The following LAMA2 variants were observed in gnomAD, a reference collection of about 807,000 sequenced individuals.
LAMA2 encodes the protein laminin subunit alpha-2.
LAMA2 carries 269 observed loss-of-function variants against 364.8 expected under a neutral mutation model. That is an observed-to-expected ratio of 0.74 (90% CI 0.67 to 0.82). LAMA2 has a LOEUF of 0.82. Ranked by LOEUF, LAMA2 falls within the 40% of genes least tolerant of loss-of-function variation. The pLI is 0.00. For synonymous variants in LAMA2, 1,379 were observed against 1,370.6 expected (o/e 1.01, Z -0.14); for missense variants, 3,807 against 3,873.2 (o/e 0.98, Z 0.45).
At chr6:129,163,257 TTTAGA>T (rs1180173286) in intron 8 of LAMA2, among the ~76,000 whole-genome samples, 3 of 152,322 alleles carry the variant, frequency 2.0e-5, no homozygotes, top group Middle Eastern at 3.4e-3. Flanking sequence ...TTCTCCGTTC[TTTAGA>T]TTGGATCATT....
intron 22 of LAMA2, among the ~76,000 whole-genome samples, chr6:129,303,282 C>A (rs546869757): frequency 2.4e-4 from 36 of 152,020 alleles, no homozygotes; most frequent in African/African-American, 5.3e-4. Flanking sequence ...ATTTTTATAC[C>A]TTATCCTTCT....
chr6:129,463,857 C>T (rs1365238754), intron 49 of LAMA2, among the ~76,000 whole-genome samples: 1 of 151,832 alleles, frequency 6.6e-6, no homozygotes, highest in African/African-American at 2.4e-5. Context: ...ATACAGGCCT[C>T]CTTAATCGTC....
At chr6:129,235,509 G>A (rs1784926382) in intron 12 of LAMA2, among the ~76,000 whole-genome samples, 1 of 152,156 alleles carries the variant, frequency 6.6e-6, no homozygotes, top group Non-Finnish European at 1.5e-5. Context: ...TTGAGAGTAT[G>A]AGAAAGTGTG....
At chr6:129,104,474 A>T (rs886984670) in intron 4 of LAMA2, among the ~76,000 whole-genome samples, 4 of 152,216 alleles carry the variant, frequency 2.6e-5, no homozygotes, top group African/African-American at 9.6e-5. Context: ...AGTTTATTAC[A>T]TTTCCACTTG....
At chr6:129,277,628 GTCCTAGA>G (rs1321439949) in intron 17 of LAMA2, among the ~76,000 whole-genome samples, 6 of 152,128 alleles carry the variant, frequency 3.9e-5, no homozygotes, top group Non-Finnish European at 7.3e-5. Flanking sequence ...AGAATCTAAA[GTCCTAGA>G]TCCCATACTA....
intron 41 of LAMA2, among the ~76,000 whole-genome samples, chr6:129,429,033 CAT>C (rs1781463381): frequency 6.6e-6 from 1 of 152,160 alleles, no homozygotes; most frequent in Non-Finnish European, 1.5e-5. Flanking sequence ...TCCAAGCCTT[CAT>C]GTTTTCAGTA....
At chr6:129,314,307 G>A (rs1774420502) in intron 23 of LAMA2, among the ~76,000 whole-genome samples, 1 of 149,340 alleles carries the variant, frequency 6.7e-6, no homozygotes, top group South Asian at 2.1e-4. Context: ...GCTGAGGCCG[G>A]AGAATGGTGT....
intron 49 of LAMA2, among the ~76,000 whole-genome samples, chr6:129,463,456 T>A (rs1169882420): frequency 6.6e-6 from 1 of 152,014 alleles, no homozygotes; most frequent in East Asian, 1.9e-4. Context: ...TCTACAGCTC[T>A]GTGTTTAGCC....
At chr6:129,425,550 A>T (rs1173186420) in intron 40 of LAMA2, among the ~76,000 whole-genome samples, 1 of 151,940 alleles carries the variant, frequency 6.6e-6, no homozygotes, top group Non-Finnish European at 1.5e-5. Context: ...TCTACTACCC[A>T]ATAGTTATTT....
chr6:129,396,034 T>C (rs1779598155), intron 37 of LAMA2, among the ~76,000 whole-genome samples: 1 of 152,182 alleles, frequency 6.6e-6, no homozygotes. Context: ...CTGAGAGCCA[T>C]AGGAAGCAAT....
chr6:129,284,842 T>C lies in LAMA2; in HGVS notation c.2538-3005T>C, dbSNP rs562230939. 2.0e-5 allele frequency among the ~76,000 whole-genome samples: 3 copies of C among 152,292 alleles called. No individual in the cohort carries two copies. In the South Asian group the frequency reaches 6.2e-4, roughly 32 times the overall value. Reference sequence around the variant, plus strand: ...GTAACAAATAACTGCATGTGTTATCTGGAGTCTTATTTACATTTAAACGGC... The same window carrying C: ...GTAACAAATAACTGCATGTGTTATCCGGAGTCTTATTTACATTTAAACGGC... On this transcript the variant is annotated intron_variant, in intron 18 of 64. Transcript: ENST00000421865.
intron 15 of LAMA2, among the ~76,000 whole-genome samples, chr6:129,265,706 G>A (rs953313278): frequency 4.9e-4 from 74 of 151,360 alleles, no homozygotes; most frequent in Non-Finnish European, 9.3e-4. Flanking sequence ...TATACACTGG[G>A]GCCTGTCGGA....
At chr6:129,436,520 TGAA>T (rs1431960120) in intron 41 of LAMA2, among the ~76,000 whole-genome samples, 1 of 152,156 alleles carries the variant, frequency 6.6e-6, no homozygotes, top group Non-Finnish European at 1.5e-5. Flanking sequence ...TTATTACAAA[TGAA>T]GAGCTAATGA....
In LAMA2 at chr6:129,199,188, G is replaced by T. The variant is rs73773700; in HGVS notation, c.1782+6335G>T. ...GTGGATTTTATCATCCGTGTTTGAG[G>T]TTACTTTAAAATTAGAAAACCAGTT... On this transcript the variant is annotated intron_variant, in intron 12 of 64. Coordinates refer to ENST00000421865, the MANE Select transcript of LAMA2 (RefSeq NM_000426.4). Among the ~76,000 whole-genome samples, 667 of 152,120 alleles carry T rather than the reference G, an allele frequency of 4.4e-3. 5 individuals carry two copies. Among genetic ancestry groups the T allele is most frequent in the African/African-American group, 0.015 (633 of 41,534 alleles).
intron 29 of LAMA2, among the ~76,000 whole-genome samples, chr6:129,332,271 C>A (rs550650791): frequency 6.6e-6 from 1 of 152,288 alleles, no homozygotes; most frequent in South Asian, 2.1e-4. Flanking sequence ...TCCTTTTCCC[C>A]TTGATACATT....
chr6:129,445,419 A>C (rs1350549639), intron 44 of LAMA2, among the ~76,000 whole-genome samples: 1 of 152,158 alleles, frequency 6.6e-6, no homozygotes, highest in Non-Finnish European at 1.5e-5. Flanking sequence ...CTCTACCTTC[A>C]ATGCTAATTT....
chr6:129,057,907 A>C (rs1481914986), intron 2 of LAMA2, among the ~76,000 whole-genome samples: 1 of 151,274 alleles, frequency 6.6e-6, no homozygotes, highest in Non-Finnish European at 1.5e-5. Flanking sequence ...AAGGTCATTC[A>C]TAAGCCACTC....
chr6:129,422,623 T>C (rs1781131813), intron 40 of LAMA2, among the ~76,000 whole-genome samples: 1 of 152,172 alleles, frequency 6.6e-6, no homozygotes, highest in African/African-American at 2.4e-5. Flanking sequence ...GGGCAAATTC[T>C]TTGAAAATCA....
intron 1 of LAMA2, among the ~76,000 whole-genome samples, chr6:129,030,888 TG>T (rs1786173783): frequency 6.6e-6 from 1 of 152,164 alleles, no homozygotes; most frequent in East Asian, 1.9e-4. Context: ...TAATAAATCA[TG>T]GCTTCTGCCT....
Sources: allele counts gnomAD v4.1 joint callset (sites outside exome capture counted in the v4.1 genomes callset), GRCh38; gene constraint gnomAD v4.1.1; transcripts MANE v1.5; gene names NCBI Gene and HGNC (gene_info 2026-07-23, HGNC 2026-07-21).